Variants in MND1 observed in about 807,000 individuals in gnomAD.
MND1 encodes meiotic nuclear divisions 1, also known as meiotic nuclear division protein 1 homolog.
In MND1, 28 loss-of-function variants were observed where a neutral mutation model predicts 35.1. That is an observed-to-expected ratio of 0.80 (90% confidence interval 0.59 to 1.09). The LOEUF (loss-of-function observed/expected upper bound fraction) is 1.09, where lower values mean the gene tolerates loss of function less well. Among genes scored for constraint, MND1 ranks in the 50% least tolerant of loss-of-function variants. MND1 has a pLI of 0.00. For synonymous variants in MND1, 69 were observed against 70.5 expected, an observed-to-expected ratio of 0.98 and a Z score of 0.11; for missense variants, 213 against 239.6, an observed-to-expected ratio of 0.89 and a Z score of 0.73.
intron 7 of MND1, chr4:153,409,243 T>G (rs1729613091): frequency 5.4e-6 from 1 of 185,608 alleles, no homozygotes; most frequent in Non-Finnish European, 1.2e-5. Flanking sequence ...AACTAATGAT[T>G]GCTTCCAGTT....
chr4:153,364,410 G>A (rs1043127154), intron 4 of MND1, among the ~76,000 whole-genome samples: 3 of 151,998 alleles, frequency 2.0e-5, no homozygotes, highest in Non-Finnish European at 4.4e-5. Flanking sequence ...CCGGCTATTC[G>A]AGAGGCTGAG....
Position 153,394,228 on chromosome 4 carries a change from T to C in MND1, c.277-34T>C, listed in dbSNP as rs767049547. 24 of 1,596,342 alleles carry C rather than the reference T, an allele frequency of 1.5e-5. No individual in the cohort carries two copies. The African/African-American group carries it at 1.7e-4, about 12-fold the overall frequency. On this transcript the variant is annotated intron_variant, in intron 4 of 7. Transcript: ENST00000240488. ...TCAACTACTACATGTCAGTTTATCTTAGCAAGCTGTTTTATTTGTTTTTGA... is the reference window on the plus strand; with the variant it reads ...TCAACTACTACATGTCAGTTTATCTCAGCAAGCTGTTTTATTTGTTTTTGA...
intron 4 of MND1, chr4:153,361,466 A>C (rs890297245): frequency 4.4e-6 from 2 of 456,108 alleles, no homozygotes; most frequent in African/African-American, 4.0e-5. Flanking sequence ...TTTTATCATG[A>C]ATCCGAGTTT....
intron 6 of MND1, among the ~76,000 whole-genome samples, chr4:153,404,257 C>T (rs1467267373): frequency 7.2e-6 from 1 of 138,392 alleles, no homozygotes; most frequent in East Asian, 2.1e-4. Context: ...TCTCAGCTCA[C>T]TGCAACCTCC....
intron 4 of MND1, among the ~76,000 whole-genome samples, chr4:153,359,363 T>C (rs1044455527): frequency 4.6e-5 from 7 of 152,254 alleles, no homozygotes; most frequent in African/African-American, 1.7e-4. Context: ...AATGGCTTGA[T>C]GGCTCATTTC....
At chr4:153,365,386 CAAAAT>C (rs1017420476) in intron 4 of MND1, among the ~76,000 whole-genome samples, 7 of 152,054 alleles carry the variant, frequency 4.6e-5, no homozygotes, top group African/African-American at 1.7e-4. Flanking sequence ...GACATGGAGT[CAAAAT>C]AACAACAAAT....
At chr4:153,370,332 C>T (rs939080826) in intron 4 of MND1, among the ~76,000 whole-genome samples, 2 of 151,978 alleles carry the variant, frequency 1.3e-5, no homozygotes, top group African/African-American at 4.8e-5. Flanking sequence ...AAGATTGCAG[C>T]AATTCAGTCA....
At position 153,344,713 on chromosome 4, in the gene MND1, C is replaced by T. The variant is rs1773026184; in HGVS notation, c.-25C>T. On this transcript the variant is annotated 5_prime_UTR_variant, in exon 1 of 8. Transcript: ENST00000240488. ...CCCTCTCCCCAAGCGCGGGCCCGGC[C>T]AGCGGAAGCCCCTGCGCCCGCGCCA... 2 of 1,586,940 alleles carry T rather than the reference C, an allele frequency of 1.3e-6. No homozygotes were observed. Among genetic ancestry groups the T allele is most frequent in the Non-Finnish European group, 1.7e-6 (2 of 1,167,920 alleles).
intron 4 of MND1, among the ~76,000 whole-genome samples, chr4:153,362,668 G>A (rs192034833): frequency 8.5e-5 from 13 of 152,166 alleles, no homozygotes; most frequent in African/African-American, 3.1e-4. Flanking sequence ...TTTGGGGAGG[G>A]CTATTAATTT....
intron 6 of MND1, 114 bp downstream of exon 6, chr4:153,397,447 G>A (rs1444557236): frequency 2.9e-6 from 2 of 678,672 alleles, no homozygotes; most frequent in African/African-American, 1.8e-5. Context: ...ACTAGTTAAG[G>A]TAGTATTCTG....
chr4:153,350,660 T>A (rs1773191393), intron 2 of MND1, among the ~76,000 whole-genome samples: 2 of 152,154 alleles, frequency 1.3e-5, no homozygotes, highest in East Asian at 1.9e-4. Flanking sequence ...AAGTTTCATC[T>A]CCTAAGTGAA....
intron 4 of MND1, among the ~76,000 whole-genome samples, chr4:153,364,741 T>A (rs895957226): frequency 2.6e-5 from 4 of 152,144 alleles, no homozygotes; most frequent in Non-Finnish European, 4.4e-5. Flanking sequence ...AGATAGAGTC[T>A]CACCCTGTTG....
At chr4:153,382,832 A>G (rs889296286) in intron 4 of MND1, among the ~76,000 whole-genome samples, 3 of 152,230 alleles carry the variant, frequency 2.0e-5, no homozygotes, top group Admixed American at 1.3e-4. Context: ...TAGAAATTTC[A>G]ATGGTGGACA....
chr4:153,389,292 T>C (rs914339986), intron 4 of MND1, among the ~76,000 whole-genome samples: 2 of 152,220 alleles, frequency 1.3e-5, no homozygotes, highest in African/African-American at 4.8e-5. Context: ...CCATTATCAA[T>C]TGCATTATAG....
chr4:153,408,361 G>C (rs1393004590), intron 6 of MND1, among the ~76,000 whole-genome samples: 1 of 152,116 alleles, frequency 6.6e-6, no homozygotes, highest in Non-Finnish European at 1.5e-5. Context: ...AATTAAAAAT[G>C]CCATCATTGT....
At chr4:153,344,792 T>C (rs1773030204) in intron 1 of MND1, 52 bp downstream of exon 1, 2 of 1,589,706 alleles carry the variant, frequency 1.3e-6, no homozygotes, top group Non-Finnish European at 8.6e-7. Flanking sequence ...GTGTGTGGGC[T>C]TCGCCGCCCC....
At chr4:153,345,398 T>C (rs1773050238) in intron 1 of MND1, 2 of 985,020 alleles carry the variant, frequency 2.0e-6, no homozygotes, top group African/African-American at 3.5e-5. Context: ...AGGGCAGGAG[T>C]CGCTGCTCTT....
At chr4:153,391,546 C>T (rs1437056029) in intron 4 of MND1, among the ~76,000 whole-genome samples, 1 of 151,558 alleles carries the variant, frequency 6.6e-6, no homozygotes, top group South Asian at 2.1e-4. Context: ...ACCAACATGG[C>T]GAAACCCCAT....
At chr4:153,347,318 T>C (rs1773097847) in intron 1 of MND1, among the ~76,000 whole-genome samples, 1 of 152,068 alleles carries the variant, frequency 6.6e-6, no homozygotes, top group African/African-American at 2.4e-5. Flanking sequence ...GTTCCTGGAG[T>C]TTGCCTAACT....
Sources: allele counts gnomAD v4.1 joint callset (sites outside exome capture counted in the v4.1 genomes callset), GRCh38; gene constraint gnomAD v4.1.1; transcripts MANE v1.5; gene names NCBI Gene and HGNC (gene_info 2026-07-23, HGNC 2026-07-21).